PHACTR2: variants seen among roughly 807,000 people sequenced by gnomAD.
PHACTR2 encodes chromosome 6 open reading frame 56.
In PHACTR2, 30 loss-of-function variants were observed where a neutral mutation model predicts 76.0. The ratio of observed to expected loss-of-function variants is 0.39; its 90% CI spans 0.30 to 0.54. The LOEUF (loss-of-function observed/expected upper bound fraction) is 0.54. Among genes scored for constraint, PHACTR2 ranks in the 20% least tolerant of loss-of-function variants. The pLI is 0.61. For missense variants in PHACTR2, 696 were observed against 781.1 expected (o/e 0.89, Z 1.30); for synonymous variants, 292 against 292.5 (o/e 1.00, Z 0.02).
At chr6:143,712,309 T>C in intron 2 of PHACTR2, 126 bp downstream of exon 2, 2 of 554,352 alleles carry the variant, frequency 3.6e-6, no homozygotes, top group Admixed American at 4.2e-5. Context: ...TGAAATTCTT[T>C]ATTTTAAGAA....
chr6:143,661,593 G>A (rs1377685042), intron 1 of PHACTR2, among the ~76,000 whole-genome samples: 5 of 139,246 alleles, frequency 3.6e-5, no homozygotes, highest in African/African-American at 5.5e-5. Flanking sequence ...AGGCAGTCTC[G>A]CTCTGTCACC....
rs1251809940 is a variant in PHACTR2 at position 143,679,694 on chromosome 6, A to T, written c.46+1485A>T. ...AGCAAATTTTGCCTTAATAAAAATCAAGGAATATTATATAAATGATGTCTA... is the reference window on the plus strand; with the variant it reads ...AGCAAATTTTGCCTTAATAAAAATCTAGGAATATTATATAAATGATGTCTA... On this transcript the variant is annotated intron_variant, in intron 1 of 12. Transcript: ENST00000440869. This position sits in a 1 kb window ranked among gnomAD's most constrained non-coding sequence, Gnocchi z 4.6. 6.6e-6 allele frequency among the ~76,000 whole-genome samples: 1 copy of T among 152,218 alleles called. No individual in the cohort carries two copies. Among genetic ancestry groups the T allele is most frequent in the African/African-American group, 2.4e-5 (1 of 41,460 alleles).
At position 143,807,621 on chromosome 6, in the gene PHACTR2, G is replaced by A. The variant is rs1171597670; in HGVS notation, c.1922+488G>A. Among the ~76,000 whole-genome samples, 2 of 152,178 alleles carry A rather than the reference G, an allele frequency of 1.3e-5. No individual in the cohort carries two copies. Among genetic ancestry groups the A allele is most frequent in the Non-Finnish European group, 2.9e-5 (2 of 68,038 alleles). On this transcript the variant is annotated intron_variant, in intron 12 of 12. Coordinates refer to ENST00000440869, the MANE Select transcript of PHACTR2 (RefSeq NM_001100164.2). The surrounding 1 kb of genome is among the most constrained non-coding windows in gnomAD (Gnocchi z 5.5). ...GTATGCCCAGAATAGATGCTGGCGA[G>A]AGTCAGTGTGGGCACATACATAACA...
rs1461760596 is a variant in PHACTR2, at chr6:143,820,321, C to CA, written c.1923-3349dup. On this transcript the variant is annotated intron_variant, in intron 12 of 12. Coordinates refer to ENST00000440869, the MANE Select transcript of PHACTR2 (RefSeq NM_001100164.2). The surrounding 1 kb of genome is among the most constrained non-coding windows in gnomAD (Gnocchi z 4.2). ...TCATTCCAGCATTAACTCAAAAGTT[C>CA]AAAATCTCATCTGAAAAAAGGCAAA... Among the ~76,000 whole-genome samples the CA allele has an allele frequency of 6.6e-6, 1 of 152,148 alleles. No individual in the cohort carries two copies. The highest frequency in any genetic ancestry group is 2.4e-5 in the African/African-American group (1 of 41,440).
intron 2 of PHACTR2, among the ~76,000 whole-genome samples, chr6:143,728,882 A>G (rs778152010): frequency 6.6e-6 from 1 of 152,206 alleles, no homozygotes; most frequent in African/African-American, 2.4e-5. Flanking sequence ...CTATGAAACT[A>G]CTAGAAGAAA....
At chr6:143,727,532 C>T (rs916518048) in intron 2 of PHACTR2, among the ~76,000 whole-genome samples, 1 of 143,322 alleles carries the variant, frequency 7.0e-6, no homozygotes, top group African/African-American at 2.8e-5. Flanking sequence ...TTTGAGAAAC[C>T]TCCATACTGT....
In PHACTR2 at chr6:143,659,544, G is replaced by C. The variant is rs1026281141; in HGVS notation, c.13+51222G>C. 1.3e-5 allele frequency among the ~76,000 whole-genome samples: 2 copies of C among 152,200 alleles called. No homozygotes were observed. The highest frequency in any genetic ancestry group is 4.8e-5 in the African/African-American group (2 of 41,438). ...GTTTCTTGCTGGCTGTGAGTGGGAG[G>C]TTGCCCTCTGTTCCTTGTCCTTTCC... On this transcript the variant is annotated intron_variant, in intron 1 of 11. Coordinates refer to the PHACTR2 transcript ENST00000305766. This position sits in a 1 kb window ranked among gnomAD's most constrained non-coding sequence, Gnocchi z 5.0.
intron 1 of PHACTR2, among the ~76,000 whole-genome samples, chr6:143,576,875 C>CAAAAAAA (rs35937662): frequency 3.9e-5 from 4 of 102,556 alleles, no homozygotes; most frequent in Admixed American, 1.2e-4. Flanking sequence ...GACTCTGTCT[C>CAAAAAAA]AAAAAAAAAA....
intron 1 of PHACTR2, among the ~76,000 whole-genome samples, chr6:143,649,941 C>T (rs556272889): frequency 0.011 from 1,743 of 152,300 alleles, 41 homozygotes; most frequent in African/African-American, 0.04. Flanking sequence ...CTAGAAAACT[C>T]CATTGTCTCA....
rs1382416155 is a variant in PHACTR2, at chr6:143,658,531, AC to A, written c.13+50211del. 1.3e-5 allele frequency among the ~76,000 whole-genome samples: 2 copies of A among 152,292 alleles called. No individual in the cohort carries two copies. The highest frequency in any genetic ancestry group is 6.5e-5 in the Admixed American group (1 of 15,300). ...AACATGATAGAGTGTATTTTAACAA[AC>A]CTGGATGGAATAGCCTACTATACAA... is the stretch of plus-strand genomic sequence containing the variant. On this transcript the variant is annotated intron_variant, in intron 1 of 11. Coordinates refer to the PHACTR2 transcript ENST00000305766. The surrounding 1 kb of genome is among the most constrained non-coding windows in gnomAD (Gnocchi z 4.1).
In PHACTR2 at chr6:143,710,632, G is replaced by A. The variant is rs1778153157; in HGVS notation, c.47-1384G>A. Among the ~76,000 whole-genome samples, 1 of 152,204 alleles carries A rather than the reference G, an allele frequency of 6.6e-6. No homozygotes were observed. The highest frequency in any genetic ancestry group is 2.1e-4 in the South Asian group (1 of 4,830). The stretch of plus-strand genomic sequence containing the variant: ...GAATTGCTTGAACCAAGGAGGCGGT[G>A]GTTGCAGTGAGCTGAGATCGCGCCA... On this transcript the variant is annotated intron_variant, in intron 1 of 12. Coordinates refer to ENST00000440869, the MANE Select transcript of PHACTR2 (RefSeq NM_001100164.2). This position sits in a 1 kb window ranked among gnomAD's most constrained non-coding sequence, Gnocchi z 4.9.
rs145922061 is a variant in PHACTR2, at chr6:143,581,323, G to T, written c.217+44116G>T. On this transcript the variant is annotated intron_variant, in intron 1 of 11. Transcript: ENST00000367584. This position sits in a 1 kb window ranked among gnomAD's most constrained non-coding sequence, Gnocchi z 4.5. Reference sequence around the variant, plus strand: ...TATCAAGTTATCCTCCTGACCGGGCGCAGTGGTTCATGCCTGTAATCCCAG... The same window carrying T: ...TATCAAGTTATCCTCCTGACCGGGCTCAGTGGTTCATGCCTGTAATCCCAG... Among the ~76,000 whole-genome samples the T allele has an allele frequency of 2.0e-5, 3 of 152,168 alleles. No homozygotes were observed. Among genetic ancestry groups the T allele is most frequent in the East Asian group, 3.9e-4 (2 of 5,194 alleles).
intron 12 of PHACTR2, among the ~76,000 whole-genome samples, chr6:143,812,727 G>A (rs1776205477): frequency 6.6e-6 from 1 of 152,128 alleles, no homozygotes; most frequent in Admixed American, 6.6e-5. Flanking sequence ...GCCACATTCT[G>A]CATTTTCTAC....
At position 143,757,615 on chromosome 6, in the gene PHACTR2, T is replaced by C. The variant is rs537996329; in HGVS notation, c.455-2786T>C. On this transcript the variant is annotated intron_variant, in intron 4 of 12. Coordinates refer to ENST00000440869, the MANE Select transcript of PHACTR2 (RefSeq NM_001100164.2). The surrounding 1 kb of genome is among the most constrained non-coding windows in gnomAD (Gnocchi z 4.2). Reference sequence around the variant, plus strand: ...GCATTGCTGGAAAGGCTAGCGTCCTTATCAAGCCAGAATGACGAGGCAGCC... The same window carrying C: ...GCATTGCTGGAAAGGCTAGCGTCCTCATCAAGCCAGAATGACGAGGCAGCC... 6.6e-6 allele frequency among the ~76,000 whole-genome samples: 1 copy of C among 152,334 alleles called. No individual in the cohort carries two copies. The highest frequency in any genetic ancestry group is 6.5e-5 in the Admixed American group (1 of 15,308).
chr6:143,723,210 C>T lies in PHACTR2; in HGVS notation c.214+11027C>T, dbSNP rs183289655. On this transcript the variant is annotated intron_variant, in intron 2 of 12. Transcript: ENST00000440869. ...GGCTTTTCCCATTTCTTTATCCACT[C>T]TTTTCATATGTCATGATCTCTAGCC... 2.0e-3 allele frequency among the ~76,000 whole-genome samples: 311 copies of T among 152,312 alleles called. 1 individual carries two copies. The highest frequency in any genetic ancestry group is 3.2e-3 in the Non-Finnish European group (219 of 68,022).
intron 1 of PHACTR2, among the ~76,000 whole-genome samples, chr6:143,692,365 T>G (rs759328277): frequency 6.6e-6 from 1 of 152,204 alleles, no homozygotes; most frequent in Non-Finnish European, 1.5e-5. Context: ...AAACTTGGAA[T>G]AAACCAGAAC....
Position 143,828,157 on chromosome 6 carries a change from T to C in PHACTR2, c.*4468T>C, listed in dbSNP as rs993318904. 30 of 151,724 alleles carry C rather than the reference T, an allele frequency of 2.0e-4. No homozygotes were observed. Among genetic ancestry groups the C allele is most frequent in the African/African-American group, 6.8e-4 (28 of 41,258 alleles). The allele number at this position is 151,724 out of a possible 1,614,324, so 9.4% of individuals were successfully genotyped here. A position where few individuals can be genotyped will look rare whatever the true frequency, so the allele number is the denominator to read the frequency against. The stretch of plus-strand genomic sequence containing the variant: ...AGAGCAAGACTCCATCTCAAAATAA[T>C]AATAATAGTAATAATGAATAAAATA... On this transcript the variant is annotated 3_prime_UTR_variant, in exon 13 of 13. Transcript: ENST00000440869. The surrounding 1 kb of genome is among the most constrained non-coding windows in gnomAD (Gnocchi z 4.7).
rs765699251 is a variant in PHACTR2, at chr6:143,621,592, G to A, written c.13+13270G>A. Among the ~76,000 whole-genome samples the A allele has an allele frequency of 1.3e-5, 2 of 152,194 alleles. No homozygotes were observed. Among genetic ancestry groups the A allele is most frequent in the African/African-American group, 4.8e-5 (2 of 41,432 alleles). On this transcript the variant is annotated intron_variant, in intron 1 of 11. Coordinates refer to the PHACTR2 transcript ENST00000305766. The surrounding 1 kb of genome is among the most constrained non-coding windows in gnomAD (Gnocchi z 4.1). Reference sequence around the variant, plus strand: ...ATACCCCAACCCTTGAATAGTGTGGGATTGTGCAAAGGAATGGAATTAGAG... The same window carrying A: ...ATACCCCAACCCTTGAATAGTGTGGAATTGTGCAAAGGAATGGAATTAGAG...
chr6:143,823,661 T>C lies in PHACTR2; in HGVS notation c.1923-13T>C. 1 of 1,610,228 alleles carries C rather than the reference T, an allele frequency of 6.2e-7. No individual in the cohort carries two copies. The highest frequency in any genetic ancestry group is 8.5e-7 in the Non-Finnish European group (1 of 1,176,516). On this transcript the variant is annotated splice_polypyrimidine_tract_variant and intron_variant, in intron 12 of 12. Transcript: ENST00000440869. The surrounding 1 kb of genome is among the most constrained non-coding windows in gnomAD (Gnocchi z 5.7). ...CTAGGCCACAGGCTTATAGTTTCTATTTCTTACTCCAGGTTTCATCGTCCA... is the reference window on the plus strand; with the variant it reads ...CTAGGCCACAGGCTTATAGTTTCTACTTCTTACTCCAGGTTTCATCGTCCA...
Sources: allele counts gnomAD v4.1 joint callset (sites outside exome capture counted in the v4.1 genomes callset), GRCh38; gene constraint gnomAD v4.1.1; non-coding constraint Gnocchi (gnomAD v3.1); transcripts MANE v1.5; gene names NCBI Gene and HGNC (gene_info 2026-07-23, HGNC 2026-07-21).